The following TOPORS variants were observed in gnomAD, a reference collection of about 807,000 sequenced individuals.
TOPORS encodes E3 ubiquitin-protein ligase Topors.
Under a neutral mutation model 81.4 loss-of-function variants are expected in TOPORS, and 25 were observed. That is an observed-to-expected ratio of 0.31 (90% CI 0.22 to 0.43). The LOEUF (loss-of-function observed/expected upper bound fraction) is 0.43, where lower values mean the gene tolerates loss of function less well. Among genes scored for constraint, TOPORS ranks in the 20% least tolerant of loss-of-function variants. The pLI, the probability that TOPORS is intolerant of heterozygous loss-of-function variation, is 1.00. For synonymous variants in TOPORS, 473 were observed against 456.6 expected, an observed-to-expected ratio of 1.04 and a Z score of -0.46; for missense variants, 1,101 against 1,267.0, an observed-to-expected ratio of 0.87 and a Z score of 1.99.
In TOPORS at chr9:32,552,489, G is replaced by A. The variant is rs748192940; in HGVS notation, c.-53C>T. ...CTGGATTTATTCAGTGGTAAGTCCC[G>A]GGGATCGCGGGCCCCCACCGTGTCG... On this transcript the variant is annotated 5_prime_UTR_variant, in exon 1 of 3. Transcript: ENST00000360538. 4 of 1,580,994 alleles carry A rather than the reference G, an allele frequency of 2.5e-6. No homozygotes were observed. In the East Asian group the frequency reaches 9.2e-5, roughly 36 times the overall value.
At chr9:32,545,763 TAAAC>T (rs985060541) in intron 2 of TOPORS, among the ~76,000 whole-genome samples, 3 of 151,916 alleles carry the variant, frequency 2.0e-5, no homozygotes, top group African/African-American at 2.4e-5. Flanking sequence ...TCAAAACAAA[TAAAC>T]AAACAACAAC....
chr9:32,544,056 C>T lies in TOPORS; in HGVS notation c.469G>A (p.Asp157Asn). 2.5e-6 allele frequency: 4 copies of T among 1,614,188 alleles called. No homozygotes were observed. Among genetic ancestry groups the T allele is most frequent in the Non-Finnish European group, 3.4e-6 (4 of 1,180,036 alleles). The change falls in exon 3 of 3, where the codon GAC (aspartate) becomes AAC (asparagine). Residue 157 changes from aspartate (D) to asparagine (N), a missense_variant. Asp to Asn is a conservative substitution (Grantham distance 23). Coordinates refer to ENST00000360538, the MANE Select transcript of TOPORS (RefSeq NM_005802.5). ...GGCCTTAGGACATACTCCTTGAAGT[C>T]ATCTTCTGCCCTCACAGAATGGAAA... ...SIFHSVRAED[D>N]FKEYVLRPSY... is the part of the protein sequence containing the mutation.
chr9:32,552,129 A>G (rs1173142987), intron 1 of TOPORS: 1 of 575,500 alleles, frequency 1.7e-6, no homozygotes, highest in African/African-American at 1.9e-5. Flanking sequence ...ATTGCATTGC[A>G]ACTAGAAAGA....
Position 32,541,664 on chromosome 9 carries a change from G to A in TOPORS, c.2861C>T (p.Thr954Ile), listed in dbSNP as rs780262528. 1.2e-6 allele frequency: 2 copies of A among 1,614,134 alleles called. No homozygotes were observed. Among genetic ancestry groups the A allele is most frequent in the South Asian group, 2.2e-5 (2 of 91,080 alleles). Residue 954 changes from threonine (T) to isoleucine (I), a missense_variant, in exon 3 of 3, where the codon ACA becomes ATA. Physicochemically the swap from Thr to Ile is moderately conservative, Grantham distance 89. Around this residue, in one of 9 missense-constraint regions of TOPORS, gnomAD observed 605 missense variants for 636.1 expected, o/e 0.95. Transcript: ENST00000360538. The part of the protein sequence containing the change: ...LEPFETKDVV[T>I]IEAEFGVLDK... ...CAGCACACCAAATTCAGCTTCTATT[G>A]TAACTACATCTTTAGTTTCAAATGG...
At position 32,543,981 on chromosome 9, in the gene TOPORS, T is replaced by C; in HGVS notation, c.544A>G (p.Thr182Ala). ...GCATTTCGTTCCCTTGTCAGAGTTG[T>C]ACGGTAGCGAAATCGTCGATCAGGG... ...VTPDRRFRYR[T>A]TLTRERNASV... The change falls in exon 3 of 3, where the codon ACA becomes GCA. Residue 182 changes from threonine (T) to alanine (A), a missense_variant. This residue lies in a region of TOPORS where 120 missense variants were observed against 115.4 expected (regional missense o/e 1.04). Transcript: ENST00000360538. The surrounding 1 kb of genome is among the most constrained non-coding windows in gnomAD (Gnocchi z 5.6). The C allele has an allele frequency of 1.2e-6, 2 of 1,614,174 alleles. No homozygotes were observed. The highest frequency in any genetic ancestry group is 2.2e-5 in the East Asian group (1 of 44,878).
At position 32,541,444 on chromosome 9, in the gene TOPORS, T is replaced by A; in HGVS notation, c.3081A>T (p.Pro1027=). ...CTGACATTAATGATGTCCGTGGCGA[T>A]GGCAATTGCCTTGATGGCTCAGTTT... is the stretch of plus-strand genomic sequence containing the variant. ...SLQTEPSRQL[P]SPRTSLMSVC... Residue 1027 remains proline, a synonymous_variant, in exon 3 of 3, where the codon CCA becomes CCT. Coordinates refer to ENST00000360538, the MANE Select transcript of TOPORS (RefSeq NM_005802.5). 6.2e-7 allele frequency: 1 copy of A among 1,614,256 alleles called. No individual in the cohort carries two copies. Among genetic ancestry groups the A allele is most frequent in the Non-Finnish European group, 8.5e-7 (1 of 1,180,038 alleles).
intron 2 of TOPORS, 92 bp from the exon 3 acceptor site, chr9:32,544,418 A>C: frequency 7.5e-7 from 1 of 1,325,276 alleles, no homozygotes; most frequent in Non-Finnish European, 1.0e-6. Flanking sequence ...CTTGAAACTT[A>C]TTTTGGTGAA....
At chr9:32,551,582 T>C (rs1315440892) in intron 1 of TOPORS, 1 of 253,822 alleles carries the variant, frequency 3.9e-6, no homozygotes, top group African/African-American at 2.2e-5. Flanking sequence ...CTAAAACTCT[T>C]TTAAGATAAC....
chr9:32,542,782 G>C lies in TOPORS; in HGVS notation c.1743C>G (p.Asp581Glu), dbSNP rs753306883. 46 of 1,613,876 alleles carry C rather than the reference G, an allele frequency of 2.9e-5. No individual in the cohort carries two copies. Among genetic ancestry groups the C allele is most frequent in the Non-Finnish European group, 9.3e-6 (11 of 1,180,036 alleles). ...TATGGTTATATGGAGAATATACTCT[G>C]TCTCCTCTTACAGATGAGTTCAGGT... is the stretch of plus-strand genomic sequence containing the variant. ...PRNLNSSVRG[D>E]RVYSPYNHRH... Residue 581 changes from aspartate to glutamate, a missense_variant, in exon 3 of 3, where the codon GAC becomes GAG. Coordinates refer to ENST00000360538, the MANE Select transcript of TOPORS (RefSeq NM_005802.5).
rs1477373538 is a variant in TOPORS, at chr9:32,550,983, G to T, written c.4-15C>A. 8.7e-6 allele frequency: 14 copies of T among 1,608,546 alleles called. No homozygotes were observed. The highest frequency in any genetic ancestry group is 1.2e-5 in the Non-Finnish European group (14 of 1,179,716). On this transcript the variant is annotated splice_polypyrimidine_tract_variant and intron_variant, in intron 1 of 2. Transcript: ENST00000360538. ...GGCTGCGACCCCTGTGACGCAAAGG[G>T]CTCATCACCAATGGCAGCTCGGAAG...
At chr9:32,552,391 C>CGCAGCTCCCG (rs1326476845) in intron 1 of TOPORS, 43 bp downstream of exon 1, 1 of 1,606,574 alleles carries the variant, frequency 6.2e-7, no homozygotes, top group Admixed American at 1.7e-5. Flanking sequence ...CTGTAAGGCC[C>CGCAGCTCCCG]GCAGCTCCCG....
rs547285605 is a variant in TOPORS, at chr9:32,549,761, G to A, written c.198+1013C>T. Among the ~76,000 whole-genome samples, 5 of 152,246 alleles carry A rather than the reference G, an allele frequency of 3.3e-5. No homozygotes were observed. In the East Asian group the frequency reaches 9.6e-4, roughly 29 times the overall value. ...GACTAAAAAGGGTTCACGAATAGAT[G>A]AAATAGAAAGATCACCCAAGTATTA... is the stretch of plus-strand genomic sequence containing the variant. On this transcript the variant is annotated intron_variant, in intron 2 of 2. Coordinates refer to ENST00000360538, the MANE Select transcript of TOPORS (RefSeq NM_005802.5).
In TOPORS at chr9:32,543,489, T is replaced by C; in HGVS notation, c.1036A>G (p.Asn346Asp). ...FVSDLRPFLL[N>D]RTEHFIHEFI... ...TCATGTATAAAATGCTCAGTTCGAT[T>C]AAGTAAAAATGGTCTTAAATCAGAC... The change falls in exon 3 of 3, where the codon AAT becomes GAT. Residue 346 changes from asparagine to aspartate, a missense_variant. By Grantham distance (23) the Asn-to-Asp change is conservative. Coordinates refer to ENST00000360538, the MANE Select transcript of TOPORS (RefSeq NM_005802.5). This position sits in a 1 kb window ranked among gnomAD's most constrained non-coding sequence, Gnocchi z 5.6. 3 of 1,613,876 alleles carry C rather than the reference T, an allele frequency of 1.9e-6. No individual in the cohort carries two copies. The highest frequency in any genetic ancestry group is 2.5e-6 in the Non-Finnish European group (3 of 1,180,012).
rs1821090877 is a variant in TOPORS at position 32,542,910 on chromosome 9, G to A, written c.1615C>T (p.Leu539Phe). 1.2e-6 allele frequency: 2 copies of A among 1,613,976 alleles called. No homozygotes were observed. Among genetic ancestry groups the A allele is most frequent in the Admixed American group, 3.3e-5 (2 of 59,988 alleles). Reference protein sequence around the residue: ...VSRCSSPHSVLGKDEQINKGH... With the variant: ...VSRCSSPHSVFGKDEQINKGH... ...TTATTTATTTGTTCATCCTTTCCAA[G>A]GACAGAGTGTGGAGATGAGCATCTA... Residue 539 changes from leucine to phenylalanine, a missense_variant, in exon 3 of 3, where the codon CTT (leucine) becomes TTT (phenylalanine). By Grantham distance (22) the Leu-to-Phe change is conservative. Transcript: ENST00000360538.
chr9:32,551,107 G>C, intron 1 of TOPORS, 139 bp from the exon 2 acceptor site: 2 of 1,074,256 alleles, frequency 1.9e-6, no homozygotes, highest in Non-Finnish European at 2.7e-6. Context: ...GGCCTCGGGG[G>C]CGGGGCTCAG....
At position 32,542,234 on chromosome 9, in the gene TOPORS, T is replaced by C. The variant is rs767534753; in HGVS notation, c.2291A>G (p.Tyr764Cys). Residue 764 changes from tyrosine (Y) to cysteine (C), a missense_variant, in exon 3 of 3, where the codon TAT (tyrosine) becomes TGT (cysteine). Coordinates refer to ENST00000360538, the MANE Select transcript of TOPORS (RefSeq NM_005802.5). ...CAGGCTCCTTGATCTGTGCCTTTCA[T>C]AGTAGTAATACTTCCTCTCACTGTG... ...NNHSERKYYY[Y>C]ERHRSRSLSS... is the part of the protein sequence containing the mutation. 1.9e-6 allele frequency: 3 copies of C among 1,614,230 alleles called. No individual in the cohort carries two copies. Among genetic ancestry groups the C allele is most frequent in the East Asian group, 2.2e-5 (1 of 44,884 alleles).
At position 32,541,814 on chromosome 9, in the gene TOPORS, G is replaced by C; in HGVS notation, c.2711C>G (p.Ser904Cys). Residue 904 changes from serine to cysteine, a missense_variant, in exon 3 of 3, where the codon TCC becomes TGC. Physicochemically the swap from Ser to Cys is moderately radical, Grantham distance 112. This residue lies in a region of TOPORS where 605 missense variants were observed against 636.1 expected (regional missense o/e 0.95). Transcript: ENST00000360538. ...ACTGTCAATGGTAATTACAACTGGG[G>C]AACGTGAAGCATTATCTCCATGGTG... Reference protein sequence around the residue: ...KKHHGDNASRSPVVITIDSDS... With the variant: ...KKHHGDNASRCPVVITIDSDS... 2 of 1,614,146 alleles carry C rather than the reference G, an allele frequency of 1.2e-6. No homozygotes were observed. The highest frequency in any genetic ancestry group is 1.7e-6 in the Non-Finnish European group (2 of 1,180,016).
At chr9:32,552,232 A>C (rs1231088379) in intron 1 of TOPORS, 1 of 672,510 alleles carries the variant, frequency 1.5e-6, no homozygotes, top group East Asian at 2.7e-5. Context: ...CCTCTCTAAA[A>C]GGCGGGCAAG....
Position 32,541,437 on chromosome 9 carries a change from G to A in TOPORS, c.3088C>T (p.Arg1030Trp), listed in dbSNP as rs747412319. ...AGACATACTGACATTAATGATGTCC[G>A]TGGCGATGGCAATTGCCTTGATGGC... ...TEPSRQLPSP[R>W]TSLMSVCLGR... The change falls in exon 3 of 3, where the codon CGG becomes TGG. Residue 1030 changes from arginine to tryptophan, a missense_variant. This residue lies in a region of TOPORS where 605 missense variants were observed against 636.1 expected (regional missense o/e 0.95). Coordinates refer to ENST00000360538, the MANE Select transcript of TOPORS (RefSeq NM_005802.5). 3.1e-6 allele frequency: 5 copies of A among 1,614,018 alleles called. No homozygotes were observed. Among genetic ancestry groups the A allele is most frequent in the Admixed American group, 1.7e-5 (1 of 60,006 alleles).
Sources: gnomAD v4.1 joint callset for allele counts (sites outside exome capture counted in the v4.1 genomes callset) on GRCh38, gnomAD v4.1.1 for gene constraint, gnomAD v4.1.1 regional missense constraint, Gnocchi (gnomAD v3.1) non-coding constraint, MANE v1.5 for transcripts, NCBI Gene and HGNC (gene_info 2026-07-23, HGNC 2026-07-21) for gene names.